Variants in LGR5 observed in about 807,000 individuals in gnomAD.
The protein encoded by LGR5 is leucine-rich repeat-containing G protein-coupled receptor 5.
LGR5 carries 54 observed loss-of-function variants against 76.7 expected under a neutral mutation model. That is an observed-to-expected ratio of 0.70 (90% CI 0.57 to 0.88). The LOEUF (loss-of-function observed/expected upper bound fraction) is 0.88, where lower values mean the gene tolerates loss of function less well. Ranked by LOEUF, LGR5 falls within the 40% of genes least tolerant of loss-of-function variation. The pLI, the probability that LGR5 is intolerant of heterozygous loss-of-function variation, is 0.00. For missense variants in LGR5, 1,078 were observed against 1,073.3 expected (o/e 1.00, Z -0.06); for synonymous variants, 406 against 421.9 (o/e 0.96, Z 0.46).
intron 1 of LGR5, among the ~76,000 whole-genome samples, chr12:71,449,299 G>C (rs1872154454): frequency 6.6e-6 from 1 of 152,138 alleles, no homozygotes; most frequent in African/African-American, 2.4e-5. Context: ...ATTTGGAAAA[G>C]CTACATTACT....
In LGR5 at chr12:71,481,667, A is replaced by G. The variant is rs1873609589; in HGVS notation, c.213-22947A>G. Reference sequence around the variant, plus strand: ...GAAAGGAAGATTTCATCCTGTTGGCATGAAAGGGTCCCAGGGTCACACGAT... The same window carrying G: ...GAAAGGAAGATTTCATCCTGTTGGCGTGAAAGGGTCCCAGGGTCACACGAT... On this transcript the variant is annotated intron_variant, in intron 1 of 17. Transcript: ENST00000266674. 2.0e-5 allele frequency among the ~76,000 whole-genome samples: 3 copies of G among 152,188 alleles called. No individual in the cohort carries two copies. In the South Asian group the frequency reaches 6.2e-4, roughly 32 times the overall value.
intron 1 of LGR5, among the ~76,000 whole-genome samples, chr12:71,482,138 A>G (rs996273367): frequency 1.3e-5 from 2 of 152,208 alleles, no homozygotes; most frequent in Non-Finnish European, 2.9e-5. Context: ...TCAAAAAGGC[A>G]AACCTAATAG....
chr12:71,570,156 C>CG (rs1426635623), intron 11 of LGR5, among the ~76,000 whole-genome samples: 2 of 143,284 alleles, frequency 1.4e-5, no homozygotes, highest in East Asian at 2.4e-4. Context: ...TGGGCCTTGC[C>CG]GGGGGAGGGT....
At chr12:71,512,227 G>C (rs1875192700) in intron 2 of LGR5, among the ~76,000 whole-genome samples, 1 of 152,140 alleles carries the variant, frequency 6.6e-6, no homozygotes, top group Non-Finnish European at 1.5e-5. Flanking sequence ...CTGATCTCAA[G>C]GATCCACCTG....
At chr12:71,529,323 A>G (rs910211272) in intron 3 of LGR5, among the ~76,000 whole-genome samples, 3 of 152,150 alleles carry the variant, frequency 2.0e-5, no homozygotes, top group Non-Finnish European at 4.4e-5. Flanking sequence ...AGAAGCAGCA[A>G]GGTATGTCCT....
At position 71,584,357 on chromosome 12, in the gene LGR5, G is replaced by T; in HGVS notation, c.2347G>T (p.Ala783Ser). The T allele has an allele frequency of 6.2e-7, 1 of 1,614,182 alleles. No individual in the cohort carries two copies. The highest frequency in any genetic ancestry group is 8.5e-7 in the Non-Finnish European group (1 of 1,180,028). ...FTNCILNCPV[A>S]FLSFSSLINL... Reference sequence around the variant, plus strand: ...CAACTGCATCCTAAACTGCCCTGTGGCTTTCTTGTCCTTCTCCTCTTTAAT... The same window carrying T: ...CAACTGCATCCTAAACTGCCCTGTGTCTTTCTTGTCCTTCTCCTCTTTAAT... The change falls in exon 18 of 18, where the codon GCT becomes TCT. Residue 783 changes from alanine to serine, a missense_variant. Physicochemically the swap from Ala to Ser is moderately conservative, Grantham distance 99. Coordinates refer to ENST00000266674, the MANE Select transcript of LGR5 (RefSeq NM_003667.4).
chr12:71,443,032 T>C (rs1871834717), intron 1 of LGR5, among the ~76,000 whole-genome samples: 1 of 152,240 alleles, frequency 6.6e-6, no homozygotes, highest in Non-Finnish European at 1.5e-5. Context: ...CCAGAACTAC[T>C]ATCTTTTATT....
At chr12:71,458,573 T>C (rs1872576105) in intron 1 of LGR5, among the ~76,000 whole-genome samples, 1 of 152,174 alleles carries the variant, frequency 6.6e-6, no homozygotes, top group Admixed American at 6.5e-5. Flanking sequence ...AAAATGTAAG[T>C]CTGTTTGTAC....
intron 1 of LGR5, among the ~76,000 whole-genome samples, chr12:71,450,007 A>C (rs1336627570): frequency 2.0e-5 from 3 of 152,230 alleles, no homozygotes; most frequent in Non-Finnish European, 4.4e-5. Context: ...AGCTATGGCT[A>C]CCCAGGGAAT....
chr12:71,529,127 A>G (rs1342801552), intron 3 of LGR5, among the ~76,000 whole-genome samples: 3 of 152,228 alleles, frequency 2.0e-5, no homozygotes, highest in Admixed American at 6.5e-5. Context: ...TTATTTTAAT[A>G]AAGGTTATTT....
intron 1 of LGR5, among the ~76,000 whole-genome samples, chr12:71,488,895 T>C (rs1873948089): frequency 6.6e-6 from 1 of 152,186 alleles, no homozygotes; most frequent in Non-Finnish European, 1.5e-5. Flanking sequence ...AAATCTTATT[T>C]AATTGTTTCA....
At chr12:71,498,154 C>T (rs1413145392) in intron 1 of LGR5, among the ~76,000 whole-genome samples, 1 of 151,992 alleles carries the variant, frequency 6.6e-6, no homozygotes, top group Non-Finnish European at 1.5e-5. Context: ...TGAGGAATCC[C>T]TAGGAAAGAA....
intron 1 of LGR5, among the ~76,000 whole-genome samples, chr12:71,477,126 G>A (rs1831204054): frequency 6.6e-6 from 1 of 152,144 alleles, no homozygotes; most frequent in Non-Finnish European, 1.5e-5. Flanking sequence ...GAAGGTCAGA[G>A]TACTGGCAAA....
chr12:71,548,321 G>A (rs2464164), intron 4 of LGR5, among the ~76,000 whole-genome samples: 4 of 151,262 alleles, frequency 2.6e-5, no homozygotes, highest in South Asian at 4.2e-4. Flanking sequence ...GTGTGTGTGT[G>A]TGTGCGTAGA....
At chr12:71,508,985 C>T (rs1875009047) in intron 2 of LGR5, among the ~76,000 whole-genome samples, 1 of 152,002 alleles carries the variant, frequency 6.6e-6, no homozygotes, top group Non-Finnish European at 1.5e-5. Flanking sequence ...TACAAGGTGA[C>T]CAGATATGCA....
chr12:71,579,078 G>C, intron 15 of LGR5, 149 bp downstream of exon 15: 1 of 637,146 alleles, frequency 1.6e-6, no homozygotes, highest in Non-Finnish European at 2.4e-6. Context: ...AGCATTGTTA[G>C]GACAAGCCCT....
intron 2 of LGR5, among the ~76,000 whole-genome samples, chr12:71,516,491 T>G (rs555890296): frequency 6.6e-6 from 1 of 152,128 alleles, no homozygotes; most frequent in Non-Finnish European, 1.5e-5. Context: ...AAATGCAAGG[T>G]CAAATGCCCG....
chr12:71,519,607 T>C (rs1592508645), intron 2 of LGR5, among the ~76,000 whole-genome samples: 1 of 151,640 alleles, frequency 6.6e-6, no homozygotes, highest in Non-Finnish European at 1.5e-5. Context: ...GAGACCAGCC[T>C]GGACAACATG....
chr12:71,580,476 A>G (rs1879045721), intron 16 of LGR5, 53 bp downstream of exon 16: 2 of 1,538,484 alleles, frequency 1.3e-6, no homozygotes, highest in Admixed American at 3.6e-5. Context: ...AGTGGAACAC[A>G]TGGAAATGAA....
Sources: gnomAD v4.1 joint callset for allele counts (sites outside exome capture counted in the v4.1 genomes callset) on GRCh38, gnomAD v4.1.1 for gene constraint, MANE v1.5 for transcripts, NCBI Gene and HGNC (gene_info 2026-07-23, HGNC 2026-07-21) for gene names.